TFDP2: variants seen among roughly 807,000 people sequenced by gnomAD.
TFDP2 encodes transcription factor Dp-2, also known as transcription factor Dp-2 (E2F dimerization partner 2).
A neutral mutation model predicts 59.3 loss-of-function variants in TFDP2; 17 were observed. The ratio of observed to expected loss-of-function variants is 0.29; its 90% CI spans 0.20 to 0.43. The LOEUF (loss-of-function observed/expected upper bound fraction) is 0.43. Among genes scored for constraint, TFDP2 ranks in the 20% least tolerant of loss-of-function variants. TFDP2 has a pLI of 1.00. For synonymous variants in TFDP2, 180 were observed against 194.7 expected (o/e 0.92, Z 0.63); for missense variants, 391 against 528.8 (o/e 0.74, Z 2.56).
In TFDP2 at chr3:142,019,151, G is replaced by A. The variant is rs571413243; in HGVS notation, c.83-13607C>T. On this transcript the variant is annotated intron_variant, in intron 3 of 12. Transcript: ENST00000489671. ...ACGATCTCGGCTCACCGCATCCTCC[G>A]CCTCCCAGGTTCAATGGATTCTCCT... Among the ~76,000 whole-genome samples the A allele has an allele frequency of 8.6e-5, 13 of 150,568 alleles. 1 individual carries two copies. The highest frequency in any genetic ancestry group is 2.2e-4 in the African/African-American group (9 of 41,120).
At chr3:142,081,706 T>C (rs768871025) in intron 3 of TFDP2, among the ~76,000 whole-genome samples, 76 of 152,282 alleles carry the variant, frequency 5.0e-4, no homozygotes, top group Non-Finnish European at 8.7e-4. Flanking sequence ...GGCTACTATA[T>C]GCCAATAAAT....
chr3:142,112,289 T>C (rs905249343), intron 1 of TFDP2, among the ~76,000 whole-genome samples: 2 of 152,276 alleles, frequency 1.3e-5, no homozygotes, highest in Middle Eastern at 3.4e-3. Flanking sequence ...TTCTATTCAC[T>C]ATCTATTTAT....
Position 141,945,456 on chromosome 3 carries a change from G to A in TFDP2, c.*7057C>T, listed in dbSNP as rs1234459200. The stretch of plus-strand genomic sequence containing the variant: ...CCCACCTCTTTTGTCCAAAACTCAA[G>A]AGTGATGGTGGTGAACCAAGTGCGT... On this transcript the variant is annotated 3_prime_UTR_variant, in exon 13 of 13. Coordinates refer to ENST00000489671, the MANE Select transcript of TFDP2 (RefSeq NM_001178139.2). 6.6e-6 allele frequency: 1 copy of A among 152,320 alleles called. No individual in the cohort carries two copies. The highest frequency in any genetic ancestry group is 1.5e-5 in the Non-Finnish European group (1 of 68,130). 9.4% of individuals were successfully genotyped at this position (152,320 alleles called of 1,614,324 possible). A position where few individuals can be genotyped will look rare whatever the true frequency, so the allele number is the denominator to read the frequency against.
At chr3:142,084,662 G>A (rs947135454) in intron 3 of TFDP2, among the ~76,000 whole-genome samples, 1 of 152,036 alleles carries the variant, frequency 6.6e-6, no homozygotes, top group African/African-American at 2.4e-5. Context: ...ATGAGATCCT[G>A]TCATTCACAA....
chr3:142,062,530 A>C (rs974330415), intron 3 of TFDP2, among the ~76,000 whole-genome samples: 1 of 151,916 alleles, frequency 6.6e-6, no homozygotes, highest in Non-Finnish European at 1.5e-5. Flanking sequence ...GTGGAGCAAC[A>C]GAAATCCTCA....
chr3:142,010,608 C>CAAAA (rs34003711), intron 3 of TFDP2, among the ~76,000 whole-genome samples: 1 of 57,076 alleles, frequency 1.8e-5, no homozygotes, highest in Non-Finnish European at 3.3e-5. Context: ...GACTCTGTCT[C>CAAAA]AAAAAAAAAA....
At chr3:142,043,554 G>A (rs1394362403) in intron 3 of TFDP2, 2 of 684,776 alleles carry the variant, frequency 2.9e-6, no homozygotes, top group African/African-American at 3.6e-5. Context: ...GCAGATAAAG[G>A]TTTCTTTTAT....
Position 142,089,646 on chromosome 3 carries a change from T to G in TFDP2, c.82+3415A>C, listed in dbSNP as rs146726874. On this transcript the variant is annotated intron_variant, in intron 3 of 12. Coordinates refer to ENST00000489671, the MANE Select transcript of TFDP2 (RefSeq NM_001178139.2). Reference sequence around the variant, plus strand: ...TAGGTTTATATCATATATAGAAATATATATGCATCATATATAACCAACAAA... The same window carrying G: ...TAGGTTTATATCATATATAGAAATAGATATGCATCATATATAACCAACAAA... Among the ~76,000 whole-genome samples, 196 of 152,168 alleles carry G rather than the reference T, an allele frequency of 1.3e-3. 1 individual carries two copies. Among genetic ancestry groups the G allele is most frequent in the African/African-American group, 4.5e-3 (185 of 41,534 alleles).
intron 6 of TFDP2, among the ~76,000 whole-genome samples, chr3:141,984,823 A>AT (rs1403213718): frequency 2.0e-5 from 3 of 152,214 alleles, no homozygotes; most frequent in African/African-American, 7.2e-5. Flanking sequence ...TGTATTATGT[A>AT]TTTCATCATC....
At chr3:142,052,976 T>G (rs1037993396) in intron 3 of TFDP2, among the ~76,000 whole-genome samples, 4 of 151,836 alleles carry the variant, frequency 2.6e-5, no homozygotes, top group Admixed American at 2.6e-4. Context: ...CGCCCGGCTA[T>G]TTTTTGTATT....
At chr3:142,023,109 ACTCC>A (rs1411333793) in intron 3 of TFDP2, among the ~76,000 whole-genome samples, 6 of 123,390 alleles carry the variant, frequency 4.9e-5, no homozygotes, top group African/African-American at 2.0e-4. Flanking sequence ...ACGCAGTGAG[ACTCC>A]CTCCGTCTCA....
chr3:141,992,897 T>C (rs939248233), intron 6 of TFDP2, among the ~76,000 whole-genome samples: 3 of 152,240 alleles, frequency 2.0e-5, no homozygotes, highest in Non-Finnish European at 4.4e-5. Flanking sequence ...GCATTTATTT[T>C]TTACTTAACA....
At chr3:141,981,040 T>C (rs938998663) in intron 6 of TFDP2, among the ~76,000 whole-genome samples, 1 of 152,116 alleles carries the variant, frequency 6.6e-6, no homozygotes, top group African/African-American at 2.4e-5. Context: ...TTCCTAGGCC[T>C]TCACATTCAC....
intron 3 of TFDP2, among the ~76,000 whole-genome samples, chr3:142,017,742 G>A (rs759415686): frequency 4.6e-5 from 7 of 151,074 alleles, no homozygotes; most frequent in Non-Finnish European, 1.0e-4. Flanking sequence ...TAGTAGAGAC[G>A]GGGTTTCACC....
chr3:141,981,075 G>C (rs1056633364), intron 6 of TFDP2, among the ~76,000 whole-genome samples: 2 of 152,052 alleles, frequency 1.3e-5, no homozygotes, highest in South Asian at 4.2e-4. Context: ...CTCACCCAGA[G>C]CAACTTCCAG....
At chr3:142,021,817 T>C (rs943709526) in intron 3 of TFDP2, among the ~76,000 whole-genome samples, 4 of 152,216 alleles carry the variant, frequency 2.6e-5, no homozygotes, top group Admixed American at 6.5e-5. Flanking sequence ...TCATCAAACC[T>C]AAAAGATCTT....
Position 141,949,281 on chromosome 3 carries a change from GAATTA to G in TFDP2, c.*3227_*3231del, listed in dbSNP as rs781338458. 1.8e-4 allele frequency: 28 copies of G among 152,140 alleles called. No individual in the cohort carries two copies. The highest frequency in any genetic ancestry group is 2.9e-5 in the Non-Finnish European group (2 of 67,994). 9.4% of individuals were successfully genotyped at this position (152,140 alleles called of 1,614,324 possible). On this transcript the variant is annotated 3_prime_UTR_variant, in exon 13 of 13. Transcript: ENST00000489671. ...TTTTTCTTCCCAGCACTTCTTTAAAGAATTAAATTGAAGGACGCCAAACTTGTGGC... is the reference window on the plus strand; with the variant it reads ...TTTTTCTTCCCAGCACTTCTTTAAAGAATTGAAGGACGCCAAACTTGTGGC...
intron 9 of TFDP2, among the ~76,000 whole-genome samples, chr3:141,966,064 A>G (rs1366340893): frequency 6.6e-6 from 1 of 151,982 alleles, no homozygotes; most frequent in Non-Finnish European, 1.5e-5. Flanking sequence ...GTGATAACTA[A>G]TGGCCCTTAT....
intron 7 of TFDP2, among the ~76,000 whole-genome samples, chr3:141,976,455 T>G (rs911267257): frequency 6.6e-6 from 1 of 152,118 alleles, no homozygotes; most frequent in South Asian, 2.1e-4. Flanking sequence ...GTGGTGGTGA[T>G]AGGGTATTAG....
Sources: allele counts gnomAD v4.1 joint callset (sites outside exome capture counted in the v4.1 genomes callset), GRCh38; gene constraint gnomAD v4.1.1; transcripts MANE v1.5; gene names NCBI Gene and HGNC (gene_info 2026-07-23, HGNC 2026-07-21).